Variants in RABGAP1L observed in about 807,000 individuals in gnomAD.
RABGAP1L encodes the protein rab GTPase-activating protein 1-like.
RABGAP1L carries 63 observed loss-of-function variants against 137.7 expected under a neutral mutation model. That is an observed-to-expected ratio of 0.46 (90% confidence interval 0.37 to 0.56). The LOEUF (loss-of-function observed/expected upper bound fraction) is 0.56, where lower values mean the gene tolerates loss of function less well. Ranked by LOEUF, RABGAP1L falls within the 20% of genes least tolerant of loss-of-function variation. The probability of loss-of-function intolerance (pLI) is 0.00; values close to 1 mark genes in which losing one functional copy is unlikely to be tolerated. For synonymous variants in RABGAP1L, 431 were observed against 433.7 expected, an observed-to-expected ratio of 0.99 and a Z score of 0.08; for missense variants, 1,095 against 1,244.0, an observed-to-expected ratio of 0.88 and a Z score of 1.80.
At chr1:174,607,067 C>T (rs1486783223) in intron 13 of RABGAP1L, among the ~76,000 whole-genome samples, 6 of 152,092 alleles carry the variant, frequency 3.9e-5, no homozygotes, top group African/African-American at 1.4e-4. Flanking sequence ...ACAAGACACC[C>T]ACTTACATTT....
At chr1:174,450,542 A>G (rs925461176) in intron 13 of RABGAP1L, among the ~76,000 whole-genome samples, 2 of 152,198 alleles carry the variant, frequency 1.3e-5, no homozygotes, top group African/African-American at 4.8e-5. Context: ...GCCGCTGAGA[A>G]TATAATATAC....
At chr1:174,784,237 T>C (rs566195036) in intron 18 of RABGAP1L, among the ~76,000 whole-genome samples, 12 of 152,044 alleles carry the variant, frequency 7.9e-5, no homozygotes, top group African/African-American at 2.7e-4. Context: ...GCCAGGATGG[T>C]CTTGATCTTC....
intron 14 of RABGAP1L, among the ~76,000 whole-genome samples, chr1:174,662,429 G>T (rs1676459854): frequency 6.8e-6 from 1 of 146,868 alleles, no homozygotes; most frequent in Admixed American, 6.8e-5. Flanking sequence ...TTGTTTGTTT[G>T]TTTTTGAAAC....
intron 19 of RABGAP1L, among the ~76,000 whole-genome samples, chr1:174,908,151 AT>A (rs1659424267): frequency 6.6e-6 from 1 of 152,230 alleles, no homozygotes; most frequent in African/African-American, 2.4e-5. Flanking sequence ...GTTCCCAAGT[AT>A]GTAAAGCAGA....
intron 1 of RABGAP1L, among the ~76,000 whole-genome samples, chr1:174,187,769 A>G (rs1292348420): frequency 2.0e-5 from 3 of 152,044 alleles, no homozygotes; most frequent in African/African-American, 7.2e-5. Context: ...AAACACTAGG[A>G]AGGTCATAGG....
intron 13 of RABGAP1L, among the ~76,000 whole-genome samples, chr1:174,575,982 A>T (rs1333244789): frequency 1.3e-5 from 2 of 152,242 alleles, no homozygotes; most frequent in Non-Finnish European, 2.9e-5. Context: ...GTAATTCTTT[A>T]ACATAACATC....
At chr1:174,799,165 G>C (rs776062810) in intron 18 of RABGAP1L, among the ~76,000 whole-genome samples, 10 of 152,072 alleles carry the variant, frequency 6.6e-5, no homozygotes, top group Non-Finnish European at 1.3e-4. Flanking sequence ...ATACGTGTTA[G>C]GTTTTTATTA....
intron 14 of RABGAP1L, among the ~76,000 whole-genome samples, chr1:174,658,477 T>C (rs567958597): frequency 5.7e-4 from 87 of 152,284 alleles, no homozygotes; most frequent in African/African-American, 2.0e-3. Context: ...GCTCCCATTA[T>C]CCTTAATATA....
At chr1:174,937,962 C>A (rs1435990590) in intron 19 of RABGAP1L, among the ~76,000 whole-genome samples, 3 of 151,734 alleles carry the variant, frequency 2.0e-5, no homozygotes, top group Non-Finnish European at 4.4e-5. Flanking sequence ...CTGCCCGCCT[C>A]AGCCTCCCAA....
At chr1:174,787,756 G>T in intron 18 of RABGAP1L, among the ~76,000 whole-genome samples, 1 of 152,122 alleles carries the variant, frequency 6.6e-6, no homozygotes, top group Non-Finnish European at 1.5e-5. Flanking sequence ...TGAAGGTACT[G>T]GTAATACATA....
At chr1:174,863,384 G>A (rs1283392874) in intron 19 of RABGAP1L, among the ~76,000 whole-genome samples, 1 of 151,872 alleles carries the variant, frequency 6.6e-6, no homozygotes, top group Non-Finnish European at 1.5e-5. Flanking sequence ...GTTAAGAAAT[G>A]TTTTCTGGGC....
At chr1:174,655,365 C>T (rs555986664) in intron 14 of RABGAP1L, among the ~76,000 whole-genome samples, 16 of 152,232 alleles carry the variant, frequency 1.1e-4, no homozygotes, top group African/African-American at 3.1e-4. Context: ...TTGATGCTTT[C>T]GAAGATTACA....
chr1:174,904,400 A>G (rs886420934), intron 19 of RABGAP1L, among the ~76,000 whole-genome samples: 3 of 152,110 alleles, frequency 2.0e-5, no homozygotes, highest in Non-Finnish European at 4.4e-5. Flanking sequence ...GAGACCATCA[A>G]CCATCTTTTC....
intron 18 of RABGAP1L, among the ~76,000 whole-genome samples, chr1:174,784,737 ATGGGGGTAAGGGTAG>A (rs1168132885): frequency 6.6e-6 from 1 of 152,202 alleles, no homozygotes; most frequent in Non-Finnish European, 1.5e-5. Context: ...CAGCCTAGAA[ATGGGGGTAAGGGTAG>A]TGTGTGGAGA....
chr1:174,561,134 A>G (rs185545814), intron 13 of RABGAP1L, among the ~76,000 whole-genome samples: 1 of 152,324 alleles, frequency 6.6e-6, no homozygotes, highest in Admixed American at 6.5e-5. Flanking sequence ...TCTCAGCCCA[A>G]AATCTCCTTA....
chr1:174,443,361 C>G (rs1474205525), intron 13 of RABGAP1L, among the ~76,000 whole-genome samples: 2 of 151,992 alleles, frequency 1.3e-5, no homozygotes, highest in Non-Finnish European at 2.9e-5. Context: ...GTTCTGTTTT[C>G]TCTGCATCCT....
chr1:174,278,957 TA>T lies in RABGAP1L; in HGVS notation c.1323+185del, dbSNP rs570372671. 2.0e-5 allele frequency among the ~76,000 whole-genome samples: 3 copies of T among 152,222 alleles called. No homozygotes were observed. The East Asian group carries it at 5.8e-4, about 29-fold the overall frequency. On this transcript the variant is annotated intron_variant, in intron 10 of 25. Coordinates refer to ENST00000681986, the MANE Select transcript of RABGAP1L (RefSeq NM_001366446.1). ...AAAGTCACATCTAGGTAATATTAGC[TA>T]AAAAAACCCAGCAAGTTTAATAATT...
At chr1:174,263,711 T>C (rs1313313663) in intron 7 of RABGAP1L, among the ~76,000 whole-genome samples, 1 of 144,308 alleles carries the variant, frequency 6.9e-6, no homozygotes, top group Admixed American at 6.9e-5. Flanking sequence ...TTTTATTTAC[T>C]TTTTTTTTTT....
At chr1:174,495,625 C>T (rs1220689143) in intron 13 of RABGAP1L, among the ~76,000 whole-genome samples, 2 of 152,196 alleles carry the variant, frequency 1.3e-5, no homozygotes, top group African/African-American at 4.8e-5. Flanking sequence ...TATACACAAA[C>T]AGTACATAGT....
Sources: gnomAD v4.1 joint callset for allele counts (sites outside exome capture counted in the v4.1 genomes callset) on GRCh38, gnomAD v4.1.1 for gene constraint, MANE v1.5 for transcripts, NCBI Gene and HGNC (gene_info 2026-07-23, HGNC 2026-07-21) for gene names.